The following ZNF530 variants were observed in gnomAD, a reference collection of about 807,000 sequenced individuals.
ZNF530 encodes the protein zinc finger protein 530.
A neutral mutation model predicts 2.8 loss-of-function variants in ZNF530; 5 were observed. The ratio of observed to expected loss-of-function variants is 1.80; its 90% CI spans 0.94 to 3.78. The LOEUF is 3.78. ZNF530 is among the 30% of genes most tolerant of loss of function. ZNF530 has a pLI of 0.00. For synonymous variants in ZNF530, 229 were observed against 235.0 expected, an observed-to-expected ratio of 0.97 and a Z score of 0.23; for missense variants, 619 against 673.3, an observed-to-expected ratio of 0.92 and a Z score of 0.89.
At chr19:57,603,766 G>A (rs1980361901) in intron 2 of ZNF530, among the ~76,000 whole-genome samples, 1 of 152,242 alleles carries the variant, frequency 6.6e-6, no homozygotes, top group East Asian at 1.9e-4. Context: ...ATAGGTCTGG[G>A]TAGTCCTGGA....
chr19:57,601,885 G>A lies in ZNF530; in HGVS notation c.-70+1106G>A, dbSNP rs548242508. ...GGCACCAGTCTCTTTTTAGCAACCA[G>A]GTCTCATGTGAACTTATTACTGTTG... On this transcript the variant is annotated intron_variant, in intron 2 of 3. Transcript: ENST00000597700. 6.2e-4 allele frequency among the ~76,000 whole-genome samples: 94 copies of A among 152,262 alleles called. 1 individual carries two copies. Among genetic ancestry groups the A allele is most frequent in the African/African-American group, 2.3e-3 (94 of 41,552 alleles).
Position 57,607,358 on chromosome 19 carries a change from T to G in ZNF530, c.*33T>G. 6.4e-7 allele frequency: 1 copy of G among 1,555,342 alleles called. No individual in the cohort carries two copies. ...AAATTATTTTGTCACTTTTTTTTTTTTTTTTGAGATGGAATTTTGCTCGTC... is the reference window on the plus strand; with the variant it reads ...AAATTATTTTGTCACTTTTTTTTTTGTTTTTGAGATGGAATTTTGCTCGTC... On this transcript the variant is annotated 3_prime_UTR_variant, in exon 4 of 4. Transcript: ENST00000597700.
At position 57,607,260 on chromosome 19, in the gene ZNF530, G is replaced by C; in HGVS notation, c.1636G>C (p.Glu546Gln). 1 of 1,614,010 alleles carries C rather than the reference G, an allele frequency of 6.2e-7. No individual in the cohort carries two copies. Among genetic ancestry groups the C allele is most frequent in the Non-Finnish European group, 8.5e-7 (1 of 1,179,998 alleles). The change falls in exon 4 of 4, where the codon GAA becomes CAA. Residue 546 changes from glutamate to glutamine, a missense_variant. Coordinates refer to ENST00000597700, the MANE Select transcript of ZNF530 (RefSeq NM_001321981.2). ...HTGERPYECS[E>Q]CGKSFSQSSG... is the part of the protein sequence containing the mutation. Reference sequence around the variant, plus strand: ...TGGAGAAAGGCCTTATGAATGCAGTGAATGTGGAAAATCCTTTAGCCAAAG... The same window carrying C: ...TGGAGAAAGGCCTTATGAATGCAGTCAATGTGGAAAATCCTTTAGCCAAAG...
Position 57,607,452 on chromosome 19 carries a change from C to T in ZNF530, c.*127C>T. ...CTCCGCCTCCTGGGATCAAGTGATTCTCCTGCCACAGCCTCCTGAGTACCT... is the reference window on the plus strand; with the variant it reads ...CTCCGCCTCCTGGGATCAAGTGATTTTCCTGCCACAGCCTCCTGAGTACCT... On this transcript the variant is annotated 3_prime_UTR_variant, in exon 4 of 4. Coordinates refer to ENST00000597700, the MANE Select transcript of ZNF530 (RefSeq NM_001321981.2). 2 of 931,276 alleles carry T rather than the reference C, an allele frequency of 2.1e-6. No homozygotes were observed. Among genetic ancestry groups the T allele is most frequent in the Non-Finnish European group, 3.1e-6 (2 of 639,248 alleles). The allele number at this position is 931,276 out of a possible 1,614,324, so 57.7% of individuals were successfully genotyped here. A position where few individuals can be genotyped will look rare whatever the true frequency, so the allele number is the denominator to read the frequency against.
At chr19:57,604,468 G>A in intron 3 of ZNF530, 62 bp downstream of exon 3, 2 of 1,567,518 alleles carry the variant, frequency 1.3e-6, no homozygotes, top group South Asian at 1.2e-5. Flanking sequence ...CTGTCCCTGA[G>A]GCAGCTCTGT....
At position 57,606,744 on chromosome 19, in the gene ZNF530, T is replaced by G. The variant is rs767428654; in HGVS notation, c.1120T>G (p.Tyr374Asp). 1 of 1,613,844 alleles carries G rather than the reference T, an allele frequency of 6.2e-7. No homozygotes were observed. The highest frequency in any genetic ancestry group is 8.5e-7 in the Non-Finnish European group (1 of 1,179,994). The change falls in exon 4 of 4, where the codon TAT becomes GAT. Residue 374 changes from tyrosine (Y) to aspartate (D), a missense_variant. Coordinates refer to ENST00000597700, the MANE Select transcript of ZNF530 (RefSeq NM_001321981.2). ...AAGATTTCACACTGGAGAAAGACCT[T>G]ATGTGTGCAGTGAATGTGGGAAATC... The part of the protein sequence containing the change: ...HQRFHTGERP[Y>D]VCSECGKSFG...
rs201531039 is a variant in ZNF530, at chr19:57,600,066, G to C, written c.-190G>C. ...ACAGCTTTGCTCTTGTCTCCGCCCGGATCGTCCACCGCTCCCGGCCCGCTC... is the reference window on the plus strand; with the variant it reads ...ACAGCTTTGCTCTTGTCTCCGCCCGCATCGTCCACCGCTCCCGGCCCGCTC... On this transcript the variant is annotated 5_prime_UTR_variant, in exon 1 of 4. Transcript: ENST00000597700. The C allele has an allele frequency of 3.8e-4, 570 of 1,516,744 alleles. 1 individual carries two copies. In the African/African-American group the frequency reaches 7.0e-3, roughly 19 times the overall value. 94.0% of individuals were successfully genotyped at this position (1,516,744 alleles called of 1,614,324 possible).
chr19:57,607,126 T>C lies in ZNF530; in HGVS notation c.1502T>C (p.Leu501Pro). The C allele has an allele frequency of 1.9e-6, 3 of 1,613,952 alleles. No homozygotes were observed. The highest frequency in any genetic ancestry group is 2.5e-6 in the Non-Finnish European group (3 of 1,180,000). ...CGKSYSQSSA[L>P]LQHRRVHTGE... Reference sequence around the variant, plus strand: ...AAATCCTATAGCCAAAGCTCTGCCCTCCTTCAGCATAGGAGAGTTCACACT... The same window carrying C: ...AAATCCTATAGCCAAAGCTCTGCCCCCCTTCAGCATAGGAGAGTTCACACT... The change falls in exon 4 of 4, where the codon CTC becomes CCC. Residue 501 changes from leucine (L) to proline (P), a missense_variant. Physicochemically the swap from Leu to Pro is moderately conservative, Grantham distance 98. Transcript: ENST00000597700.
rs747263698 is a variant in ZNF530 at position 57,600,125 on chromosome 19, C to T, written c.-131C>T. 6.4e-7 allele frequency: 1 copy of T among 1,569,416 alleles called. No homozygotes were observed. Among genetic ancestry groups the T allele is most frequent in the African/African-American group, 1.4e-5 (1 of 73,992 alleles). On this transcript the variant is annotated 5_prime_UTR_variant, in exon 1 of 4. Coordinates refer to ENST00000597700, the MANE Select transcript of ZNF530 (RefSeq NM_001321981.2). ...GTCCGATGGCGGCGGCACTGAGGGC[C>T]CCGACCCAGGTGAGCGCTGCGTCCT... is the stretch of plus-strand genomic sequence containing the variant.
intron 2 of ZNF530, among the ~76,000 whole-genome samples, chr19:57,603,697 C>A (rs1415257842): frequency 6.6e-6 from 1 of 152,196 alleles, no homozygotes; most frequent in Non-Finnish European, 1.5e-5. Flanking sequence ...AAGGAGTAGA[C>A]TCAGGTAGGA....
In ZNF530 at chr19:57,605,784, A is replaced by C; in HGVS notation, c.160A>C (p.Thr54Pro). The C allele has an allele frequency of 6.2e-7, 1 of 1,614,212 alleles. No homozygotes were observed. The highest frequency in any genetic ancestry group is 2.2e-5 in the East Asian group (1 of 44,870). ...CAGGACTCCAAAGGCAGATACATCC[A>C]CTGATAAGAGTCACCCCTGTGAGAT... is the stretch of plus-strand genomic sequence containing the variant. ...QGRTPKADTS[T>P]DKSHPCEICT... is the part of the protein sequence containing the mutation. Residue 54 changes from threonine (T) to proline (P), a missense_variant, in exon 4 of 4, where the codon ACT becomes CCT. By Grantham distance (38) the Thr-to-Pro change is conservative. Coordinates refer to ENST00000597700, the MANE Select transcript of ZNF530 (RefSeq NM_001321981.2).
chr19:57,612,300 C>G (rs1444671566), downstream of ZNF530, among the ~76,000 whole-genome samples: 1 of 152,154 alleles, frequency 6.6e-6, no homozygotes, highest in Non-Finnish European at 1.5e-5. Flanking sequence ...CATATTTCCT[C>G]CTCTTTCTTG....
Position 57,606,220 on chromosome 19 carries a change from C to G in ZNF530, c.596C>G (p.Ala199Gly), listed in dbSNP as rs1420232275. ...TCTGTATTCATTCAACACCAAAGAG[C>G]TGACTCTGGAGAAAGGCCTTACAAG... ...EKSVFIQHQRADSGERPYKCS... is the reference protein window; with the variant it reads ...EKSVFIQHQRGDSGERPYKCS... The change falls in exon 4 of 4, where the codon GCT becomes GGT. Residue 199 changes from alanine (A) to glycine (G), a missense_variant. By Grantham distance (60) the Ala-to-Gly change is moderately conservative. Coordinates refer to ENST00000597700, the MANE Select transcript of ZNF530 (RefSeq NM_001321981.2). The G allele has an allele frequency of 6.2e-6, 10 of 1,614,104 alleles. No individual in the cohort carries two copies. Among genetic ancestry groups the G allele is most frequent in the Non-Finnish European group, 5.1e-6 (6 of 1,180,044 alleles).
At position 57,606,715 on chromosome 19, in the gene ZNF530, A is replaced by C. The variant is rs1445703739; in HGVS notation, c.1091A>C (p.His364Pro). Residue 364 changes from histidine to proline, a missense_variant, in exon 4 of 4, where the codon CAC (histidine) becomes CCC (proline). Transcript: ENST00000597700. Reference sequence around the variant, plus strand: ...AGTTGCAATATCTACCTTATTCACCACCAAAGATTTCACACTGGAGAAAGA... The same window carrying C: ...AGTTGCAATATCTACCTTATTCACCCCCAAAGATTTCACACTGGAGAAAGA... ...AFSCNIYLIHHQRFHTGERPY... is the reference protein window; with the variant it reads ...AFSCNIYLIHPQRFHTGERPY... The C allele has an allele frequency of 1.9e-6, 3 of 1,614,136 alleles. No individual in the cohort carries two copies. Among genetic ancestry groups the C allele is most frequent in the Non-Finnish European group, 2.5e-6 (3 of 1,180,028 alleles).
At chr19:57,600,470 C>T (rs1044850468) in intron 1 of ZNF530, among the ~76,000 whole-genome samples, 1 of 152,230 alleles carries the variant, frequency 6.6e-6, no homozygotes, top group Admixed American at 6.5e-5. Context: ...AAGAGGGGCA[C>T]GGCCCCAGTC....
In ZNF530 at chr19:57,606,340, G is replaced by A. The variant is rs762869345; in HGVS notation, c.716G>A (p.Cys239Tyr). ...GRTRTHECSE[C>Y]GKSFSRKTHL... ...ACAAGGACTCATGAATGTAGTGAAT[G>A]TGGGAAATCATTTAGTCGCAAAACT... is the stretch of plus-strand genomic sequence containing the variant. Residue 239 changes from cysteine to tyrosine, a missense_variant, in exon 4 of 4, where the codon TGT (cysteine) becomes TAT (tyrosine). By Grantham distance (194) the Cys-to-Tyr change is radical. Coordinates refer to ENST00000597700, the MANE Select transcript of ZNF530 (RefSeq NM_001321981.2). 19 of 1,614,110 alleles carry A rather than the reference G, an allele frequency of 1.2e-5. No homozygotes were observed. Among genetic ancestry groups the A allele is most frequent in the African/African-American group, 2.7e-5 (2 of 74,938 alleles).
intron 3 of ZNF530, chr19:57,604,744 G>T: frequency 5.2e-6 from 1 of 192,918 alleles, no homozygotes; most frequent in Non-Finnish European, 1.1e-5. Flanking sequence ...ATCTCAAGCT[G>T]CCTGTTTCAG....
downstream of ZNF530, among the ~76,000 whole-genome samples, chr19:57,611,349 G>A (rs73939918): frequency 3.9e-5 from 6 of 152,288 alleles, no homozygotes; most frequent in African/African-American, 9.6e-5. Context: ...GAGAGGTCAA[G>A]TGCCCCACTT....
chr19:57,607,519 A>G lies in ZNF530; in HGVS notation c.*194A>G, dbSNP rs1244821710. 2 of 595,356 alleles carry G rather than the reference A, an allele frequency of 3.4e-6. No individual in the cohort carries two copies. Among genetic ancestry groups the G allele is most frequent in the African/African-American group, 3.7e-5 (2 of 53,848 alleles). The allele number at this position is 595,356 out of a possible 1,614,324, so 36.9% of individuals were successfully genotyped here. On this transcript the variant is annotated 3_prime_UTR_variant, in exon 4 of 4. Coordinates refer to ENST00000597700, the MANE Select transcript of ZNF530 (RefSeq NM_001321981.2). Reference sequence around the variant, plus strand: ...ACCACCATGCCCAGCTAATTTTTGTATTTTTAATAGAAACAAGGTTTCACC... The same window carrying G: ...ACCACCATGCCCAGCTAATTTTTGTGTTTTTAATAGAAACAAGGTTTCACC...
Sources: gnomAD v4.1 joint callset for allele counts (sites outside exome capture counted in the v4.1 genomes callset) on GRCh38, gnomAD v4.1.1 for gene constraint, MANE v1.5 for transcripts, NCBI Gene and HGNC (gene_info 2026-07-23, HGNC 2026-07-21) for gene names.